Variants in AKT3 observed in about 807,000 individuals in gnomAD.
AKT3 encodes RAC-gamma serine/threonine-protein kinase.
In AKT3, 15 loss-of-function variants were observed where a neutral mutation model predicts 65.3. That is an observed-to-expected ratio of 0.23 (90% CI 0.15 to 0.35). The LOEUF (loss-of-function observed/expected upper bound fraction) is 0.35. AKT3 is among the 10% of genes least tolerant of loss of function. The pLI is 1.00. For synonymous variants in AKT3, 206 were observed against 183.8 expected (o/e 1.12, Z -0.98); for missense variants, 243 against 576.5 (o/e 0.42, Z 5.92).
intron 8 of AKT3, among the ~76,000 whole-genome samples, chr1:243,602,059 G>A (rs963957491): frequency 1.3e-5 from 2 of 152,120 alleles, no homozygotes; most frequent in African/African-American, 4.8e-5. Flanking sequence ...GCAGGCCCCT[G>A]CAGTTCCAGC....
rs1180890145 is a variant in AKT3 at position 243,619,574 on chromosome 1, C to T, written c.562-4413G>A. 1.7e-4 allele frequency among the ~76,000 whole-genome samples: 17 copies of T among 98,830 alleles called. 6 individuals carry two copies. The highest frequency in any genetic ancestry group is 6.0e-4 in the South Asian group (2 of 3,358). 64.8% of individuals were successfully genotyped at this position (98,830 alleles called of 152,430 possible). A position where few individuals can be genotyped will look rare whatever the true frequency, so the allele number is the denominator to read the frequency against. On this transcript the variant is annotated intron_variant, in intron 6 of 13. Transcript: ENST00000673466. ...TGATGCAATCCCGTTTTTTAGCTCC[C>T]ACATAAGAACAAAAATGTGCAATAT...
intron 6 of AKT3, among the ~76,000 whole-genome samples, chr1:243,617,956 C>G (rs1036624825): frequency 6.6e-6 from 1 of 152,012 alleles, no homozygotes; most frequent in Non-Finnish European, 1.5e-5. Flanking sequence ...ATAACATCTA[C>G]CTGTTGTGGT....
At chr1:243,696,217 A>G (rs1394036809) in intron 2 of AKT3, among the ~76,000 whole-genome samples, 1 of 151,860 alleles carries the variant, frequency 6.6e-6, no homozygotes, top group Non-Finnish European at 1.5e-5. Context: ...TGTTTAAGCA[A>G]CATTTTATTG....
At chr1:243,539,738 C>A (rs770789491) in intron 12 of AKT3, among the ~76,000 whole-genome samples, 1 of 152,096 alleles carries the variant, frequency 6.6e-6, no homozygotes, top group Non-Finnish European at 1.5e-5. Flanking sequence ...TTACAAATAA[C>A]CCTTAAGAAG....
chr1:243,849,376 C>T (rs531242959), intron 1 of AKT3, among the ~76,000 whole-genome samples: 1 of 124,590 alleles, frequency 8.0e-6, no homozygotes, highest in African/African-American at 2.7e-5. Context: ...TACCCACCTC[C>T]CACACACACA....
intron 12 of AKT3, among the ~76,000 whole-genome samples, chr1:243,543,212 G>A (rs1574573637): frequency 6.6e-6 from 1 of 152,198 alleles, no homozygotes. Flanking sequence ...GTCTAACCCA[G>A]TGGAGCTGAG....
At position 243,642,348 on chromosome 1, in the gene AKT3, C is replaced by T. The variant is rs191493946; in HGVS notation, c.429+3545G>A. ...GTTTTGAGACGGAGTCTCGCTCTGT[C>T]GCCCAGGCTAGAGTGCAGTGGCACG... On this transcript the variant is annotated intron_variant, in intron 5 of 13. Transcript: ENST00000673466. Among the ~76,000 whole-genome samples, 327 of 152,312 alleles carry T rather than the reference C, an allele frequency of 2.1e-3. 3 individuals carry two copies. Among genetic ancestry groups the T allele is most frequent in the African/African-American group, 6.7e-3 (277 of 41,564 alleles).
chr1:243,693,266 ATAT>A (rs2148017256), intron 3 of AKT3, among the ~76,000 whole-genome samples: 1 of 95,590 alleles, frequency 1.0e-5, no homozygotes, highest in South Asian at 3.5e-4. Flanking sequence ...ATATATATAT[ATAT>A]ATATATATAT....
In AKT3 at chr1:243,684,786, C is replaced by G. The variant is rs991510274; in HGVS notation, c.172+10805G>C. Among the ~76,000 whole-genome samples the G allele has an allele frequency of 3.9e-5, 6 of 152,142 alleles. No homozygotes were observed. In the South Asian group the frequency reaches 8.3e-4, roughly 21 times the overall value. The stretch of plus-strand genomic sequence containing the variant: ...TACACTCCCACCAATAGTGTAAAAG[C>G]ATTCCTATTTCTCCACATCCTCTTC... On this transcript the variant is annotated intron_variant, in intron 3 of 13. Coordinates refer to ENST00000673466, the MANE Select transcript of AKT3 (RefSeq NM_005465.7).
intron 2 of AKT3, among the ~76,000 whole-genome samples, chr1:243,749,461 G>A (rs1167918335): frequency 1.3e-5 from 2 of 152,002 alleles, no homozygotes; most frequent in South Asian, 2.1e-4. Context: ...ACCATTAAAC[G>A]TGAATAACTT....
At chr1:243,832,589 GA>G (rs1422167523) in intron 2 of AKT3, among the ~76,000 whole-genome samples, 1 of 152,172 alleles carries the variant, frequency 6.6e-6, no homozygotes, top group East Asian at 1.9e-4. Flanking sequence ...GAAATTGAAG[GA>G]AACTGACTGT....
At chr1:243,526,779 T>TAAAA (rs1180642142) in intron 12 of AKT3, among the ~76,000 whole-genome samples, 1 of 15,168 alleles carries the variant, frequency 6.6e-5, no homozygotes, top group African/African-American at 2.4e-4. Context: ...AAAAAATGGT[T>TAAAA]AAAAAAAAAA....
intron 2 of AKT3, among the ~76,000 whole-genome samples, chr1:243,763,206 A>G (rs919815429): frequency 6.6e-6 from 1 of 152,140 alleles, no homozygotes; most frequent in East Asian, 1.9e-4. Flanking sequence ...TTGTTTCTCA[A>G]GATTCTAATA....
At chr1:243,804,123 C>A (rs1692567777) in intron 2 of AKT3, among the ~76,000 whole-genome samples, 1 of 152,162 alleles carries the variant, frequency 6.6e-6, no homozygotes, top group Non-Finnish European at 1.5e-5. Flanking sequence ...TTTACTTAAT[C>A]TAACATATCC....
intron 2 of AKT3, among the ~76,000 whole-genome samples, chr1:243,724,127 T>C (rs955272443): frequency 4.0e-5 from 6 of 151,766 alleles, no homozygotes; most frequent in African/African-American, 1.5e-4. Flanking sequence ...ACTGTAACAA[T>C]GCTGTGTGAT....
At chr1:243,515,812 A>AC (rs965959030) in intron 12 of AKT3, among the ~76,000 whole-genome samples, 1 of 151,834 alleles carries the variant, frequency 6.6e-6, no homozygotes, top group African/African-American at 2.4e-5. Flanking sequence ...AACATGGGAA[A>AC]CCCCCGTCTC....
chr1:243,732,814 A>G (rs1687639724), intron 2 of AKT3, among the ~76,000 whole-genome samples: 1 of 152,328 alleles, frequency 6.6e-6, no homozygotes, highest in Middle Eastern at 3.4e-3. Flanking sequence ...CTTTGAGAGG[A>G]GAATAGACTG....
intron 6 of AKT3, among the ~76,000 whole-genome samples, chr1:243,623,934 T>C (rs1307218661): frequency 6.6e-6 from 1 of 152,204 alleles, no homozygotes; most frequent in East Asian, 1.9e-4. Context: ...ACCTTAAAGC[T>C]TGCACTTGGT....
chr1:243,631,197 G>T (rs1286792187), intron 6 of AKT3, among the ~76,000 whole-genome samples: 1 of 152,192 alleles, frequency 6.6e-6, no homozygotes, highest in Non-Finnish European at 1.5e-5. Flanking sequence ...AAGGCTAAGG[G>T]TCATCTGAGC....
Sources: allele counts gnomAD v4.1 joint callset (sites outside exome capture counted in the v4.1 genomes callset), GRCh38; gene constraint gnomAD v4.1.1; transcripts MANE v1.5; gene names NCBI Gene and HGNC (gene_info 2026-07-23, HGNC 2026-07-21).